Variants in ATXN7 observed in about 807,000 individuals in gnomAD.
The protein encoded by ATXN7 is ataxin-7.
In ATXN7, 12 loss-of-function variants were observed where a neutral mutation model predicts 70.5. The observed-to-expected ratio is 0.17, with a 90% CI of 0.11 to 0.28. ATXN7 has a LOEUF of 0.28. ATXN7 is among the 10% of genes least tolerant of loss of function. The pLI is 1.00. For missense variants in ATXN7, 1,256 were observed against 1,131.7 expected, an observed-to-expected ratio of 1.11 and a Z score of -1.58; for synonymous variants, 498 against 448.7, an observed-to-expected ratio of 1.11 and a Z score of -1.39.
intron 1 of ATXN7, among the ~76,000 whole-genome samples, chr3:63,869,428 CTTTT>C (rs1702534365): frequency 1.3e-5 from 2 of 152,048 alleles, no homozygotes; most frequent in African/African-American, 4.8e-5. Context: ...CTTTTCTTTT[CTTTT>C]TGTTTTTTTT....
upstream of ATXN7, chr3:63,863,747 C>G: frequency 8.0e-7 from 1 of 1,249,874 alleles, no homozygotes; most frequent in Non-Finnish European, 1.0e-6. Flanking sequence ...GCAGCGGGCG[C>G]GTGTGGCGGC....
intron 1 of ATXN7, among the ~76,000 whole-genome samples, chr3:63,897,352 A>T (rs1056484759): frequency 5.3e-5 from 8 of 152,320 alleles, no homozygotes; most frequent in African/African-American, 1.9e-4. Flanking sequence ...GAGTGAATAA[A>T]ATTGACACTT....
In ATXN7 at chr3:63,996,191, G is replaced by A; in HGVS notation, c.2369G>A (p.Arg790Lys). ...PTGSPAESIK[R>K]MSVMVNSSDS... ...GGGAGCCCTGCTGAATCCATCAAGA[G>A]GATGAGTGTGATGGTGAACAGCAGT... The change falls in exon 12 of 13, where the codon AGG (arginine) becomes AAG (lysine). Residue 790 changes from arginine (R) to lysine (K), a missense_variant. Physicochemically the swap from Arg to Lys is conservative, Grantham distance 26 (BLOSUM62 2). Transcript: ENST00000674280. The A allele has an allele frequency of 1.2e-6, 2 of 1,614,138 alleles. No homozygotes were observed. Among genetic ancestry groups the A allele is most frequent in the Non-Finnish European group, 8.5e-7 (1 of 1,180,034 alleles).
chr3:63,994,956 C>T (rs2075732232), intron 11 of ATXN7, among the ~76,000 whole-genome samples: 1 of 152,150 alleles, frequency 6.6e-6, no homozygotes, highest in South Asian at 2.1e-4. Context: ...GGCTTTATTC[C>T]CTTGTTCAGG....
intron 10 of ATXN7, 54 bp downstream of exon 10, chr3:63,990,428 C>A: frequency 1.3e-6 from 2 of 1,596,850 alleles, no homozygotes. Context: ...ATGGACAGGG[C>A]ACTGCAGGGG....
chr3:63,921,999 G>A (rs1194468486), intron 4 of ATXN7, among the ~76,000 whole-genome samples: 1 of 152,104 alleles, frequency 6.6e-6, no homozygotes, highest in Non-Finnish European at 1.5e-5. Flanking sequence ...ACAGAGTGTA[G>A]CAAATGAACC....
At chr3:63,967,588 A>G (rs2075247206) in intron 5 of ATXN7, among the ~76,000 whole-genome samples, 1 of 152,194 alleles carries the variant, frequency 6.6e-6, no homozygotes. Context: ...CAGAAAAAAA[A>G]TTCACAAAAT....
intron 5 of ATXN7, chr3:63,967,792 G>T: frequency 6.7e-7 from 1 of 1,491,820 alleles, no homozygotes; most frequent in Non-Finnish European, 8.9e-7. Context: ...GCTTTTTACA[G>T]TAGTAGCAAA....
intron 5 of ATXN7, 50 bp downstream of exon 5, chr3:63,952,533 G>A (rs746010945): frequency 5.1e-5 from 70 of 1,370,490 alleles, no homozygotes; most frequent in Non-Finnish European, 6.3e-5. Flanking sequence ...AAAAGGTAAA[G>A]CAAGATTAAA....
chr3:63,904,655 G>C (rs1703772280), intron 2 of ATXN7: 1 of 152,166 alleles, frequency 6.6e-6, no homozygotes, highest in Non-Finnish European at 1.5e-5. Flanking sequence ...CATATGGGTT[G>C]TTTCCACCTT....
At chr3:63,954,874 A>C (rs1488685137) in intron 5 of ATXN7, among the ~76,000 whole-genome samples, 9 of 151,616 alleles carry the variant, frequency 5.9e-5, no homozygotes, top group Admixed American at 5.9e-4. Context: ...ATGCCCGGCT[A>C]ATTTTTGTAT....
At chr3:63,973,425 C>A (rs936717884) in intron 5 of ATXN7, among the ~76,000 whole-genome samples, 3 of 152,040 alleles carry the variant, frequency 2.0e-5, no homozygotes, top group African/African-American at 4.8e-5. Context: ...AGAGCATCCT[C>A]ACCTGGAAAC....
chr3:63,863,788 C>A (rs2107179300), upstream of ATXN7: 6 of 1,251,630 alleles, frequency 4.8e-6, no homozygotes, highest in East Asian at 3.2e-5. Context: ...TCACGGCTCC[C>A]ATGGCGTGCG....
At chr3:63,920,333 G>T (rs1704458364) in intron 4 of ATXN7, among the ~76,000 whole-genome samples, 1 of 152,088 alleles carries the variant, frequency 6.6e-6, no homozygotes, top group Admixed American at 6.6e-5. Context: ...CTGTGATCTA[G>T]GTATCACCAT....
At position 63,888,039 on chromosome 3, in the gene ATXN7, A is replaced by G. The variant is rs187545305; in HGVS notation, c.-110-10360A>G. Among the ~76,000 whole-genome samples, 3 of 152,256 alleles carry G rather than the reference A, an allele frequency of 2.0e-5. No homozygotes were observed. In the East Asian group the frequency reaches 5.8e-4, roughly 29 times the overall value. On this transcript the variant is annotated intron_variant, in intron 1 of 12. Transcript: ENST00000674280. ...TATTCTGTTACTGACAGTGTTATGA[A>G]CAGTAAGCATCCTGATAGCAAAACC...
At chr3:63,990,515 C>A in intron 10 of ATXN7, 141 bp downstream of exon 10, 2 of 1,199,842 alleles carry the variant, frequency 1.7e-6, no homozygotes, top group East Asian at 2.5e-5. Flanking sequence ...ACAGGGTGCC[C>A]CAGAGGCAGC....
intron 1 of ATXN7, among the ~76,000 whole-genome samples, chr3:63,881,921 T>C (rs1445785639): frequency 6.6e-6 from 1 of 152,196 alleles, no homozygotes; most frequent in Non-Finnish European, 1.5e-5. Flanking sequence ...GAGTCCTTGA[T>C]GGATTTTATT....
chr3:63,966,981 A>G (rs1415554790), intron 5 of ATXN7, among the ~76,000 whole-genome samples: 1 of 151,730 alleles, frequency 6.6e-6, no homozygotes, highest in African/African-American at 2.4e-5. Context: ...TTTTATTAGA[A>G]CTCTGTCACC....
In ATXN7 at chr3:63,998,501, A is replaced by G. The variant is rs1303848605; in HGVS notation, c.2662-949A>G. ...TTGATTTTTACCATGTAGTGGCACTATGTCTTACTAGAACAACACAGACAG... is the reference window on the plus strand; with the variant it reads ...TTGATTTTTACCATGTAGTGGCACTGTGTCTTACTAGAACAACACAGACAG... On this transcript the variant is annotated intron_variant, in intron 12 of 12. Coordinates refer to ENST00000674280, the MANE Select transcript of ATXN7 (RefSeq NM_001377405.1). The G allele has an allele frequency of 8.1e-6, 8 of 985,154 alleles. 1 individual carries two copies. Among genetic ancestry groups the G allele is most frequent in the South Asian group, 9.4e-5 (2 of 21,284 alleles). The allele number at this position is 985,154 out of a possible 1,614,324, so 61.0% of individuals were successfully genotyped here. A position where few individuals can be genotyped will look rare whatever the true frequency, so the allele number is the denominator to read the frequency against.
Sources: allele counts gnomAD v4.1 joint callset (sites outside exome capture counted in the v4.1 genomes callset), GRCh38; gene constraint gnomAD v4.1.1; transcripts MANE v1.5; gene names NCBI Gene and HGNC (gene_info 2026-07-23, HGNC 2026-07-21).